MICAL2: variants seen among roughly 807,000 people sequenced by gnomAD.
The protein encoded by MICAL2 is [F-actin]-monooxygenase MICAL2.
Under a neutral mutation model 127.3 loss-of-function variants are expected in MICAL2, and 77 were observed. The observed-to-expected ratio is 0.60, with a 90% CI of 0.50 to 0.73. MICAL2 has a LOEUF of 0.73. MICAL2 is among the 30% of genes least tolerant of loss of function. The pLI is 0.00. For synonymous variants in MICAL2, 570 were observed against 551.1 expected (o/e 1.03, Z -0.48); for missense variants, 1,351 against 1,434.4 (o/e 0.94, Z 0.94).
intron 1 of MICAL2, among the ~76,000 whole-genome samples, chr11:12,124,371 C>T (rs1415644151): frequency 1.3e-5 from 2 of 152,192 alleles, no homozygotes; most frequent in Admixed American, 6.5e-5. Flanking sequence ...TGTCCTTTTG[C>T]TTCTCTGACC....
chr11:12,328,755 C>T (rs1864382091), intron 32 of MICAL2, among the ~76,000 whole-genome samples: 1 of 152,136 alleles, frequency 6.6e-6, no homozygotes, highest in Non-Finnish European at 1.5e-5. Flanking sequence ...TTACTTGTTA[C>T]TTAACAAGTG....
intron 31 of MICAL2, among the ~76,000 whole-genome samples, chr11:12,325,359 C>A (rs1487287019): frequency 6.6e-6 from 1 of 152,170 alleles, no homozygotes; most frequent in Non-Finnish European, 1.5e-5. Context: ...ATCCTCCCAC[C>A]ACATTTTCCC....
At position 12,348,153 on chromosome 11, in the gene MICAL2, C is replaced by CAAAA. The variant is rs57602704; in HGVS notation, c.5516-1667_5516-1664dup. Among the ~76,000 whole-genome samples the CAAAA allele has an allele frequency of 1.0e-3, 80 of 78,632 alleles. 1 individual carries two copies. Among genetic ancestry groups the CAAAA allele is most frequent in the Middle Eastern group, 9.6e-3 (1 of 104 alleles). 51.6% of individuals were successfully genotyped at this position (78,632 alleles called of 152,430 possible). A position where few individuals can be genotyped will look rare whatever the true frequency, so the allele number is the denominator to read the frequency against. ...TGGGCAACAGAGAAAGACTCTGTCT[C>CAAAA]AAAAAAAAAAAAAAAAAAAAAGGCA... On this transcript the variant is annotated intron_variant, in intron 32 of 34. Coordinates refer to the MICAL2 transcript ENST00000646065.
intron 3 of MICAL2, among the ~76,000 whole-genome samples, chr11:12,183,127 G>GAAAT (rs1230094254): frequency 2.0e-5 from 3 of 151,574 alleles, no homozygotes; most frequent in African/African-American, 7.3e-5. Flanking sequence ...TGGGGTGGGG[G>GAAAT]AGATGGCTTA....
rs1860118572 is a variant in MICAL2, at chr11:12,242,507, G to A, written c.2556+75G>A. 13 of 1,518,116 alleles carry A rather than the reference G, an allele frequency of 8.6e-6. No homozygotes were observed. The Middle Eastern group carries it at 5.7e-4, about 67-fold the overall frequency. The allele number at this position is 1,518,116 out of a possible 1,614,324, so 94.0% of individuals were successfully genotyped here. Reference sequence around the variant, plus strand: ...TTTCTTCCCCTCCCTCCTCCTACCCGGGTGGGTTCCTCCTCCCTCTGCCCA... The same window carrying A: ...TTTCTTCCCCTCCCTCCTCCTACCCAGGTGGGTTCCTCCTCCCTCTGCCCA... On this transcript the variant is annotated intron_variant, in intron 19 of 27. Transcript: ENST00000683283.
intron 2 of MICAL2, among the ~76,000 whole-genome samples, chr11:12,146,977 G>A (rs966152927): frequency 6.6e-6 from 1 of 151,968 alleles, no homozygotes; most frequent in Non-Finnish European, 1.5e-5. Context: ...ACCAAACACT[G>A]CATGTTCTCA....
chr11:12,184,554 T>G (rs1857916029), intron 3 of MICAL2, among the ~76,000 whole-genome samples: 1 of 152,166 alleles, frequency 6.6e-6, no homozygotes, highest in Non-Finnish European at 1.5e-5. Flanking sequence ...GACATTAAGG[T>G]TTGTGATGGA....
At chr11:12,350,456 T>A (rs1939026226) in intron 33 of MICAL2, among the ~76,000 whole-genome samples, 1 of 152,156 alleles carries the variant, frequency 6.6e-6, no homozygotes, top group African/African-American at 2.4e-5. Context: ...AAGCTGAAGG[T>A]CACTATACCT....
At chr11:12,358,891 G>T (rs970599344), downstream of MICAL2, 3 of 153,046 alleles carry the variant, frequency 2.0e-5, no homozygotes, top group Admixed American at 6.5e-5. Flanking sequence ...TGCCTTTTTT[G>T]TATGGATGAC....
In MICAL2 at chr11:12,212,619, T is replaced by G. The variant is rs76925541; in HGVS notation, c.692-636T>G. ...TCTTTTCAAAGGACACCAGTCATAT[T>G]GGAGTAAGCTGGGTCCCACCCTACT... On this transcript the variant is annotated intron_variant, in intron 6 of 27. Transcript: ENST00000683283. Among the ~76,000 whole-genome samples the G allele has an allele frequency of 4.2e-3, 646 of 152,336 alleles. 4 individuals carry two copies. The highest frequency in any genetic ancestry group is 0.015 in the African/African-American group (607 of 41,560).
chr11:12,228,371 T>A (rs1203927994), intron 15 of MICAL2, among the ~76,000 whole-genome samples: 1 of 152,156 alleles, frequency 6.6e-6, no homozygotes, highest in Non-Finnish European at 1.5e-5. Context: ...GCTAGGTGCC[T>A]TGGCCAGGTC....
chr11:12,355,522 C>T (rs1939116108), intron 34 of MICAL2, among the ~76,000 whole-genome samples: 1 of 152,200 alleles, frequency 6.6e-6, no homozygotes. Context: ...CGATGCATGA[C>T]CTTCCCATAT....
At chr11:12,275,840 G>A, upstream of MICAL2, 2 of 397,440 alleles carry the variant, frequency 5.0e-6, no homozygotes, top group Non-Finnish European at 8.9e-6. Context: ...GGGGGTGAGG[G>A]TTCCAGAGGT....
In MICAL2 at chr11:12,306,284, A is replaced by AT. The variant is rs59252020; in HGVS notation, c.5212+11437dup. Among the ~76,000 whole-genome samples the AT allele has an allele frequency of 4.2e-3, 636 of 149,894 alleles. 4 individuals are homozygous for AT. Among genetic ancestry groups the AT allele is most frequent in the African/African-American group, 0.014 (575 of 41,042 alleles). ...GGTAAATGTAACCTTTTCTTTCAACATTTTTTTTTTGAGATTTATCCTCAT... is the reference window on the plus strand; with the variant it reads ...GGTAAATGTAACCTTTTCTTTCAACATTTTTTTTTTTGAGATTTATCCTCAT... On this transcript the variant is annotated intron_variant, in intron 29 of 34. Transcript: ENST00000646065.
intron 30 of MICAL2, among the ~76,000 whole-genome samples, chr11:12,323,074 T>G (rs924852856): frequency 3.9e-5 from 6 of 152,220 alleles, no homozygotes; most frequent in African/African-American, 1.4e-4. Flanking sequence ...CATTAGTCTC[T>G]GCTATTTCTC....
In MICAL2 at chr11:12,180,921, C is replaced by CTT. The variant is rs56946936; in HGVS notation, c.264+18525_264+18526dup. Among the ~76,000 whole-genome samples, 233 of 82,382 alleles carry CTT rather than the reference C, an allele frequency of 2.8e-3. 3 individuals are homozygous for CTT. Among genetic ancestry groups the CTT allele is most frequent in the African/African-American group, 3.6e-3 (90 of 24,918 alleles). The allele number at this position is 82,382 out of a possible 152,430, so 54.0% of individuals were successfully genotyped here. On this transcript the variant is annotated intron_variant, in intron 3 of 27. Transcript: ENST00000683283. Reference sequence around the variant, plus strand: ...AATTATTCTTGCCTTTATTTTCCTTCTTTTTTTTTTTTTTTTTTTTTTTTG... The same window carrying CTT: ...AATTATTCTTGCCTTTATTTTCCTTCTTTTTTTTTTTTTTTTTTTTTTTTTTG...
intron 1 of MICAL2, among the ~76,000 whole-genome samples, chr11:12,136,892 C>T (rs1590032764): frequency 6.6e-6 from 1 of 152,130 alleles, no homozygotes; most frequent in Admixed American, 6.5e-5. Context: ...TGCTGGTCTC[C>T]GTAATGCCCT....
At chr11:12,180,058 C>A (rs1857251178) in intron 3 of MICAL2, among the ~76,000 whole-genome samples, 1 of 152,192 alleles carries the variant, frequency 6.6e-6, no homozygotes, top group Admixed American at 6.5e-5. Context: ...TTCCCCTTAT[C>A]CCCTAACACA....
intron 33 of MICAL2, among the ~76,000 whole-genome samples, chr11:12,351,318 G>A (rs374021483): frequency 1.3e-5 from 2 of 152,108 alleles, no homozygotes; most frequent in Admixed American, 6.5e-5. Flanking sequence ...AGACCAGTGG[G>A]GTTCAGCCAG....
Sources: allele counts gnomAD v4.1 joint callset (sites outside exome capture counted in the v4.1 genomes callset), GRCh38; gene constraint gnomAD v4.1.1; transcripts MANE v1.5; gene names NCBI Gene and HGNC (gene_info 2026-07-23, HGNC 2026-07-21).